Variants in GALNT17 observed in about 807,000 individuals in gnomAD.
GALNT17 encodes UDP-GalNAc:polypeptide N-acetylgalactosaminyltransferase-like 3.
GALNT17 carries 29 observed loss-of-function variants against 63.7 expected under a neutral mutation model. The observed-to-expected ratio is 0.46, with a 90% confidence interval of 0.34 to 0.62. The LOEUF (loss-of-function observed/expected upper bound fraction) is 0.62, where lower values mean the gene tolerates loss of function less well. Among genes scored for constraint, GALNT17 ranks in the 20% least tolerant of loss-of-function variants. The pLI, the probability that GALNT17 is intolerant of heterozygous loss-of-function variation, is 0.01. For missense variants in GALNT17, 603 were observed against 799.6 expected, an observed-to-expected ratio of 0.75 and a Z score of 2.97; for synonymous variants, 305 against 318.3, an observed-to-expected ratio of 0.96 and a Z score of 0.45.
chr7:71,644,362 C>A (rs1020950379), intron 6 of GALNT17, among the ~76,000 whole-genome samples: 1 of 151,356 alleles, frequency 6.6e-6, no homozygotes, highest in Admixed American at 6.6e-5. Flanking sequence ...CGGTGAAACC[C>A]CATCTCTACT....
chr7:71,290,920 G>A (rs545510849), intron 1 of GALNT17, among the ~76,000 whole-genome samples: 11 of 152,256 alleles, frequency 7.2e-5, no homozygotes, highest in African/African-American at 2.6e-4. Context: ...TGACCCTGGC[G>A]ACATCACTCA....
intron 1 of GALNT17, among the ~76,000 whole-genome samples, chr7:71,158,123 C>T (rs1788270980): frequency 6.7e-6 from 1 of 148,710 alleles, no homozygotes. Context: ...ATTGATTCCC[C>T]CTTTTTTTTT....
intron 5 of GALNT17, among the ~76,000 whole-genome samples, chr7:71,478,009 G>C (rs1787752906): frequency 6.6e-6 from 1 of 152,178 alleles, no homozygotes; most frequent in Admixed American, 6.5e-5. Context: ...CATTTACCGT[G>C]TCTACCCTGT....
intron 1 of GALNT17, among the ~76,000 whole-genome samples, chr7:71,287,212 C>CT (rs1790891214): frequency 1.3e-5 from 2 of 152,116 alleles, no homozygotes; most frequent in African/African-American, 2.4e-5. Flanking sequence ...ACCCCAGCCT[C>CT]TTGAGTAGCT....
chr7:71,518,588 C>T (rs1039377222), intron 5 of GALNT17, among the ~76,000 whole-genome samples: 2 of 152,188 alleles, frequency 1.3e-5, no homozygotes, highest in Non-Finnish European at 2.9e-5. Flanking sequence ...TCCAGAATAT[C>T]TCCTCACTTA....
At chr7:71,258,012 T>C (rs1026497376) in intron 1 of GALNT17, among the ~76,000 whole-genome samples, 1 of 152,132 alleles carries the variant, frequency 6.6e-6, no homozygotes, top group Non-Finnish European at 1.5e-5. Context: ...CCCTCGGCCG[T>C]ATCCATGGCC....
At chr7:71,177,562 G>A (rs1032236615) in intron 1 of GALNT17, among the ~76,000 whole-genome samples, 1 of 152,098 alleles carries the variant, frequency 6.6e-6, no homozygotes, top group South Asian at 2.1e-4. Flanking sequence ...GGAGAAGGGG[G>A]AAAGTATCAG....
At position 71,539,689 on chromosome 7, in the gene GALNT17, T is replaced by G. The variant is rs1010539843; in HGVS notation, c.963-31596T>G. ...AGACACATATGGACACATATCTATT[T>G]CAGGAGTTTAGTCCCACCTTTTTTT... On this transcript the variant is annotated intron_variant, in intron 5 of 10. Transcript: ENST00000333538. Among the ~76,000 whole-genome samples the G allele has an allele frequency of 3.4e-5, 5 of 147,974 alleles. No homozygotes were observed. The Admixed American group carries it at 3.4e-4, about 10-fold the overall frequency.
intron 5 of GALNT17, among the ~76,000 whole-genome samples, chr7:71,435,992 C>T (rs1444329431): frequency 6.8e-6 from 1 of 147,344 alleles, no homozygotes; most frequent in African/African-American, 2.5e-5. Context: ...TGCACTCCAG[C>T]CTGGGTTACA....
At chr7:71,577,747 T>TG (rs1227118136) in intron 6 of GALNT17, among the ~76,000 whole-genome samples, 4 of 152,202 alleles carry the variant, frequency 2.6e-5, no homozygotes, top group Non-Finnish European at 4.4e-5. Flanking sequence ...TTAACCCAGA[T>TG]GCCTTAATTG....
At chr7:71,251,299 A>T (rs1288745728) in intron 1 of GALNT17, among the ~76,000 whole-genome samples, 2 of 152,102 alleles carry the variant, frequency 1.3e-5, no homozygotes, top group African/African-American at 2.4e-5. Flanking sequence ...TATTACAGAT[A>T]CTTGCCTTCT....
chr7:71,215,606 C>T (rs181699116), intron 1 of GALNT17, among the ~76,000 whole-genome samples: 4 of 152,234 alleles, frequency 2.6e-5, no homozygotes, highest in Middle Eastern at 3.4e-3. Context: ...TTCGCTCCCA[C>T]CCCACAGACA....
At chr7:71,482,972 T>C (rs1314582550) in intron 5 of GALNT17, among the ~76,000 whole-genome samples, 2 of 151,918 alleles carry the variant, frequency 1.3e-5, no homozygotes, top group East Asian at 3.9e-4. Flanking sequence ...TGATGGGGAG[T>C]GGCTGTAAAT....
intron 6 of GALNT17, among the ~76,000 whole-genome samples, chr7:71,634,625 G>T (rs2116995737): frequency 6.6e-6 from 1 of 152,102 alleles, no homozygotes; most frequent in South Asian, 2.1e-4. Context: ...GTGGTGGCCA[G>T]TACCTGTAGT....
chr7:71,439,519 A>G (rs920927969), intron 5 of GALNT17, among the ~76,000 whole-genome samples: 1 of 152,196 alleles, frequency 6.6e-6, no homozygotes, highest in Non-Finnish European at 1.5e-5. Context: ...TGCGATGACA[A>G]GCAGAGAGGC....
At chr7:71,391,475 T>A (rs1164119659) in intron 3 of GALNT17, among the ~76,000 whole-genome samples, 2 of 152,088 alleles carry the variant, frequency 1.3e-5, no homozygotes, top group Admixed American at 1.3e-4. Context: ...GATTCATTGA[T>A]TGACAGATTG....
At chr7:71,685,598 ATCCTCTTTGACC>A (rs1791340851) in intron 9 of GALNT17, 1 of 152,176 alleles carries the variant, frequency 6.6e-6, no homozygotes, top group African/African-American at 2.4e-5. Flanking sequence ...GGGGATGGTC[ATCCTCTTTGACC>A]AAGCATGCAG....
chr7:71,471,998 G>A (rs550553227), intron 5 of GALNT17, among the ~76,000 whole-genome samples: 38 of 151,504 alleles, frequency 2.5e-4, no homozygotes, highest in African/African-American at 9.0e-4. Context: ...AACATATACC[G>A]GGTGGCTTAT....
At chr7:71,532,631 A>G (rs1255771489) in intron 5 of GALNT17, among the ~76,000 whole-genome samples, 1 of 152,154 alleles carries the variant, frequency 6.6e-6, no homozygotes, top group Non-Finnish European at 1.5e-5. Context: ...TACTTTGCTA[A>G]TTGGTCTCTT....
Sources: gnomAD v4.1 joint callset for allele counts (sites outside exome capture counted in the v4.1 genomes callset) on GRCh38, gnomAD v4.1.1 for gene constraint, MANE v1.5 for transcripts, NCBI Gene and HGNC (gene_info 2026-07-23, HGNC 2026-07-21) for gene names.